KCTD16: variants seen among roughly 807,000 people sequenced by gnomAD.
KCTD16 encodes BTB/POZ domain-containing protein KCTD16.
In KCTD16, 13 loss-of-function variants were observed where a neutral mutation model predicts 33.2. That is an observed-to-expected ratio of 0.39 (90% CI 0.25 to 0.62). The LOEUF is 0.62. Among genes scored for constraint, KCTD16 ranks in the 20% least tolerant of loss-of-function variants. KCTD16 has a pLI of 0.50. For missense variants in KCTD16, 441 were observed against 525.1 expected, an observed-to-expected ratio of 0.84 and a Z score of 1.57; for synonymous variants, 197 against 195.3, an observed-to-expected ratio of 1.01 and a Z score of -0.07.
chr5:144,402,748 TG>T (rs1329753725), intron 3 of KCTD16, among the ~76,000 whole-genome samples: 4 of 152,202 alleles, frequency 2.6e-5, no homozygotes, highest in Non-Finnish European at 5.9e-5. Flanking sequence ...AAGGGAACTA[TG>T]TTCACAAATA....
chr5:144,231,609 A>G (rs939803053), intron 3 of KCTD16, among the ~76,000 whole-genome samples: 1 of 152,110 alleles, frequency 6.6e-6, no homozygotes, highest in Non-Finnish European at 1.5e-5. Flanking sequence ...AATTGTAATA[A>G]TCCCCATGTA....
intron 3 of KCTD16, among the ~76,000 whole-genome samples, chr5:144,419,995 A>G (rs2126961223): frequency 6.6e-6 from 1 of 152,236 alleles, no homozygotes; most frequent in South Asian, 2.1e-4. Flanking sequence ...TTTTTGTACA[A>G]TTCTTCCATG....
intron 3 of KCTD16, among the ~76,000 whole-genome samples, chr5:144,304,161 A>G (rs143781418): frequency 6.6e-6 from 1 of 152,236 alleles, no homozygotes; most frequent in South Asian, 2.1e-4. Context: ...TCATGTGAGG[A>G]TAAAAATTCA....
chr5:144,314,045 T>G (rs1269647112), intron 3 of KCTD16, among the ~76,000 whole-genome samples: 1 of 152,184 alleles, frequency 6.6e-6, no homozygotes, highest in Non-Finnish European at 1.5e-5. Flanking sequence ...ACTTAGAAAG[T>G]CTACTATGAG....
chr5:144,230,600 T>C (rs771838999), intron 3 of KCTD16, among the ~76,000 whole-genome samples: 2 of 152,312 alleles, frequency 1.3e-5, no homozygotes, highest in Middle Eastern at 3.4e-3. Flanking sequence ...GAAAAGTTTT[T>C]TTTTTTCTTT....
At chr5:144,453,019 C>A (rs1475736391) in intron 3 of KCTD16, among the ~76,000 whole-genome samples, 7 of 152,116 alleles carry the variant, frequency 4.6e-5, no homozygotes, top group Admixed American at 4.6e-4. Flanking sequence ...AGGAATGTAT[C>A]TGAAACACAC....
chr5:144,460,706 T>C (rs1470360954), intron 3 of KCTD16, among the ~76,000 whole-genome samples: 1 of 152,198 alleles, frequency 6.6e-6, no homozygotes. Flanking sequence ...CCCAAAATCT[T>C]GGGATTACAG....
intron 2 of KCTD16, among the ~76,000 whole-genome samples, chr5:144,185,686 T>G (rs542526888): frequency 7.1e-4 from 108 of 152,234 alleles, no homozygotes; most frequent in Non-Finnish European, 1.1e-3. Flanking sequence ...CATTTACATT[T>G]TATTGTTTTC....
At chr5:144,267,741 G>A (rs1755185973) in intron 3 of KCTD16, among the ~76,000 whole-genome samples, 2 of 152,086 alleles carry the variant, frequency 1.3e-5, no homozygotes, top group South Asian at 4.1e-4. Flanking sequence ...TTCTTTCCCT[G>A]CAAGTCACAA....
intron 3 of KCTD16, among the ~76,000 whole-genome samples, chr5:144,303,504 T>C (rs1318260346): frequency 1.3e-5 from 2 of 152,220 alleles, no homozygotes; most frequent in African/African-American, 4.8e-5. Flanking sequence ...GCAATGGAAA[T>C]GACCAAAGGT....
chr5:144,404,123 T>C (rs1037594787), intron 3 of KCTD16, among the ~76,000 whole-genome samples: 1 of 152,152 alleles, frequency 6.6e-6, no homozygotes, highest in Admixed American at 6.6e-5. Flanking sequence ...TGTCTCATGC[T>C]CTACTCAATT....
intron 3 of KCTD16, among the ~76,000 whole-genome samples, chr5:144,462,067 G>A (rs922412022): frequency 3.3e-5 from 5 of 152,050 alleles, no homozygotes; most frequent in African/African-American, 1.2e-4. Context: ...ATTTGATTCC[G>A]TTGTCATGGC....
chr5:144,266,571 A>T (rs1755146492), intron 3 of KCTD16, among the ~76,000 whole-genome samples: 1 of 152,208 alleles, frequency 6.6e-6, no homozygotes, highest in South Asian at 2.1e-4. Flanking sequence ...GGGCTTATTT[A>T]AAAAATGTCT....
intron 3 of KCTD16, among the ~76,000 whole-genome samples, chr5:144,433,896 T>C (rs73296084): frequency 0.054 from 8,159 of 152,232 alleles, 760 homozygotes; most frequent in African/African-American, 0.19. Flanking sequence ...CAGGGTTTTC[T>C]GATAATGCAT....
intron 3 of KCTD16, among the ~76,000 whole-genome samples, chr5:144,452,117 C>T (rs1401195277): frequency 6.8e-6 from 1 of 146,118 alleles, no homozygotes; most frequent in Non-Finnish European, 1.5e-5. Context: ...CACCCCGCTG[C>T]TCCCAAAACA....
rs1751707617 is a variant in KCTD16 at position 144,361,316 on chromosome 5, G to T, written c.833-112344G>T. Among the ~76,000 whole-genome samples, 4 of 151,984 alleles carry T rather than the reference G, an allele frequency of 2.6e-5. No homozygotes were observed. In the South Asian group the frequency reaches 8.3e-4, roughly 32 times the overall value. ...GATTGCTGGGTCAAATGGTATTTCT[G>T]GTTCTAGATTGTTGGGGATGTTATA... On this transcript the variant is annotated intron_variant, in intron 3 of 3. Coordinates refer to ENST00000512467, the MANE Select transcript of KCTD16 (RefSeq NM_020768.4).
Position 144,424,230 on chromosome 5 carries a change from A to G in KCTD16, c.833-49430A>G, listed in dbSNP as rs147831315. On this transcript the variant is annotated intron_variant, in intron 3 of 3. Transcript: ENST00000512467. ...CTAAAACCTGCTCTTGTACTTCACT[A>G]TATTGGTCTAAGAAGCTTCTAAGTG... is the stretch of plus-strand genomic sequence containing the variant. Among the ~76,000 whole-genome samples the G allele has an allele frequency of 3.9e-5, 6 of 152,258 alleles. No homozygotes were observed. The East Asian group carries it at 1.2e-3, about 29-fold the overall frequency.
intron 3 of KCTD16, among the ~76,000 whole-genome samples, chr5:144,430,236 A>G (rs1336084159): frequency 7.9e-5 from 12 of 152,196 alleles, no homozygotes; most frequent in Admixed American, 7.9e-4. Flanking sequence ...GTTTCATTTT[A>G]TATTACACAG....
chr5:144,233,160 C>G (rs1436846237), intron 3 of KCTD16, among the ~76,000 whole-genome samples: 3 of 151,516 alleles, frequency 2.0e-5, no homozygotes, highest in African/African-American at 7.3e-5. Flanking sequence ...ATATTTTCAG[C>G]TTGAGTGGGC....
Sources: allele counts gnomAD v4.1 joint callset (sites outside exome capture counted in the v4.1 genomes callset), GRCh38; gene constraint gnomAD v4.1.1; transcripts MANE v1.5; gene names NCBI Gene and HGNC (gene_info 2026-07-23, HGNC 2026-07-21).